Variants in MSI2 observed in about 807,000 individuals in gnomAD.
MSI2 encodes the protein musashi RNA binding protein 2.
In MSI2, 17 loss-of-function variants were observed where a neutral mutation model predicts 45.6. That is an observed-to-expected ratio of 0.37 (90% CI 0.26 to 0.56). MSI2 has a LOEUF of 0.56. Ranked by LOEUF, MSI2 falls within the 20% of genes least tolerant of loss-of-function variation. MSI2 has a pLI of 0.77. For missense variants in MSI2, 293 were observed against 444.2 expected (o/e 0.66, Z 3.06); for synonymous variants, 156 against 158.2 (o/e 0.99, Z 0.11).
At chr17:57,286,034 T>TA (rs1909844120) in intron 5 of MSI2, 2 of 1,485,900 alleles carry the variant, frequency 1.3e-6, no homozygotes, top group African/African-American at 2.8e-5. Flanking sequence ...TTCATGCTGT[T>TA]CATATTAGCT....
chr17:57,649,345 CAA>C (rs1381528419), intron 10 of MSI2, among the ~76,000 whole-genome samples: 3 of 151,674 alleles, frequency 2.0e-5, no homozygotes, highest in Admixed American at 1.3e-4. Context: ...CACATACGCC[CAA>C]CACATATACA....
At chr17:57,457,722 C>CT (rs1385222235) in intron 6 of MSI2, among the ~76,000 whole-genome samples, 1 of 151,760 alleles carries the variant, frequency 6.6e-6, no homozygotes, top group Non-Finnish European at 1.5e-5. Flanking sequence ...TAGCAAAACT[C>CT]TATCTCTACA....
chr17:57,330,678 A>G (rs1244516994), intron 5 of MSI2, among the ~76,000 whole-genome samples: 6 of 152,128 alleles, frequency 3.9e-5, no homozygotes, highest in African/African-American at 9.7e-5. Context: ...ACCCTTGGCC[A>G]TTATCCTAAC....
At chr17:57,505,346 A>G (rs980810947) in intron 6 of MSI2, among the ~76,000 whole-genome samples, 1 of 152,088 alleles carries the variant, frequency 6.6e-6, no homozygotes, top group Admixed American at 6.6e-5. Flanking sequence ...GAGAGAAGAA[A>G]AGGGAGCCTG....
At chr17:57,413,601 A>G (rs1259248898) in intron 6 of MSI2, among the ~76,000 whole-genome samples, 1 of 151,886 alleles carries the variant, frequency 6.6e-6, no homozygotes, top group African/African-American at 2.4e-5. Context: ...TTGATCCACT[A>G]ATCTGTTTAT....
At chr17:57,373,938 T>C (rs2083456312) in intron 5 of MSI2, among the ~76,000 whole-genome samples, 1 of 152,206 alleles carries the variant, frequency 6.6e-6, no homozygotes, top group Admixed American at 6.5e-5. Context: ...ACTCCTTAAT[T>C]TTCCAGATCC....
At chr17:57,569,019 C>G (rs1209029158) in intron 7 of MSI2, among the ~76,000 whole-genome samples, 1 of 151,820 alleles carries the variant, frequency 6.6e-6, no homozygotes, top group South Asian at 2.1e-4. Flanking sequence ...ATTTTTTTGA[C>G]TGTGTCTGGG....
Position 57,682,303 on chromosome 17 carries a change from C to G in MSI2, c.*2786C>G, listed in dbSNP as rs1355589261. 1 of 179,322 alleles carries G rather than the reference C, an allele frequency of 5.6e-6. No individual in the cohort carries two copies. The highest frequency in any genetic ancestry group is 1.1e-5 in the Non-Finnish European group (1 of 87,072). The allele number at this position is 179,322 out of a possible 1,614,324, so 11.1% of individuals were successfully genotyped here. A position where few individuals can be genotyped will look rare whatever the true frequency, so the allele number is the denominator to read the frequency against. ...CATGTTAAAATGCCGGCGGACTCTACGGCGTTTTGTAGATCCCCCCCCCCC... is the reference window on the plus strand; with the variant it reads ...CATGTTAAAATGCCGGCGGACTCTAGGGCGTTTTGTAGATCCCCCCCCCCC... On this transcript the variant is annotated 3_prime_UTR_variant, in exon 14 of 14. Coordinates refer to ENST00000284073, the MANE Select transcript of MSI2 (RefSeq NM_138962.4).
chr17:57,395,305 G>A (rs897252568), intron 5 of MSI2, among the ~76,000 whole-genome samples: 7 of 152,216 alleles, frequency 4.6e-5, no homozygotes, highest in East Asian at 3.8e-4. Context: ...AGATGGACAC[G>A]AATTTTGGAG....
chr17:57,519,927 G>A (rs2086549393), intron 6 of MSI2, among the ~76,000 whole-genome samples: 1 of 152,218 alleles, frequency 6.6e-6, no homozygotes, highest in East Asian at 1.9e-4. Flanking sequence ...GTGTGGGCAC[G>A]TGCCTGTAAT....
chr17:57,580,104 T>C (rs1488498591), intron 7 of MSI2, among the ~76,000 whole-genome samples: 1 of 151,790 alleles, frequency 6.6e-6, no homozygotes, highest in Non-Finnish European at 1.5e-5. Flanking sequence ...ACCAGCTGTC[T>C]CCTCTCTGTT....
intron 6 of MSI2, among the ~76,000 whole-genome samples, chr17:57,408,888 G>A (rs763052773): frequency 2.8e-5 from 4 of 143,322 alleles, no homozygotes; most frequent in East Asian, 2.2e-4. Context: ...ATTCCCACCC[G>A]CCCCCCACCT....
intron 6 of MSI2, among the ~76,000 whole-genome samples, chr17:57,499,061 C>A (rs1158069521): frequency 1.3e-5 from 2 of 151,860 alleles, no homozygotes; most frequent in African/African-American, 2.4e-5. Flanking sequence ...CATTTGGTGA[C>A]AATTGGGCTT....
At chr17:57,544,179 C>T (rs576007031) in intron 7 of MSI2, among the ~76,000 whole-genome samples, 2 of 152,124 alleles carry the variant, frequency 1.3e-5, no homozygotes, top group South Asian at 2.1e-4. Flanking sequence ...ACGTGGCCCT[C>T]GGTTGGTTTC....
Position 57,256,665 on chromosome 17 carries a change from C to A in MSI2, c.-78C>A. On this transcript the variant is annotated 5_prime_UTR_variant, in exon 1 of 14. Coordinates refer to ENST00000284073, the MANE Select transcript of MSI2 (RefSeq NM_138962.4). ...GGAGGAGGGAGCGGAGATCTCGGGG[C>A]TCGGAGCCGGCCGCCGCTCCGCTCC... 1.8e-6 allele frequency: 1 copy of A among 564,900 alleles called. No homozygotes were observed. Among genetic ancestry groups the A allele is most frequent in the Non-Finnish European group, 2.6e-6 (1 of 378,178 alleles). 35.0% of individuals were successfully genotyped at this position (564,900 alleles called of 1,614,324 possible). A position where few individuals can be genotyped will look rare whatever the true frequency, so the allele number is the denominator to read the frequency against.
At chr17:57,622,288 C>A (rs1332822937) in intron 9 of MSI2, among the ~76,000 whole-genome samples, 1 of 152,250 alleles carries the variant, frequency 6.6e-6, no homozygotes, top group Non-Finnish European at 1.5e-5. Context: ...TTATCCAGCT[C>A]AATGTGATAG....
intron 7 of MSI2, among the ~76,000 whole-genome samples, chr17:57,586,737 G>T (rs961514033): frequency 6.6e-6 from 1 of 152,180 alleles, no homozygotes; most frequent in East Asian, 1.9e-4. Flanking sequence ...TTATTGAGGG[G>T]CATGGTGGCT....
intron 6 of MSI2, among the ~76,000 whole-genome samples, chr17:57,458,196 G>T (rs1000542797): frequency 4.0e-5 from 6 of 151,482 alleles, no homozygotes; most frequent in African/African-American, 1.5e-4. Context: ...CGCCTCCCGG[G>T]ATCACGCCAT....
At chr17:57,589,223 A>C (rs142494953) in intron 7 of MSI2, among the ~76,000 whole-genome samples, 1 of 152,136 alleles carries the variant, frequency 6.6e-6, no homozygotes, top group Non-Finnish European at 1.5e-5. Flanking sequence ...GGCGACTCCA[A>C]TTGGCTCTCA....
Sources: allele counts gnomAD v4.1 joint callset (sites outside exome capture counted in the v4.1 genomes callset), GRCh38; gene constraint gnomAD v4.1.1; transcripts MANE v1.5; gene names NCBI Gene and HGNC (gene_info 2026-07-23, HGNC 2026-07-21).